ANKRD10: variants seen among roughly 807,000 people sequenced by gnomAD.
ANKRD10 encodes ankyrin repeat domain-containing protein 10.
Under a neutral mutation model 27.0 loss-of-function variants are expected in ANKRD10, and 14 were observed. The ratio of observed to expected loss-of-function variants is 0.52; its 90% CI spans 0.34 to 0.81. The LOEUF is 0.81. Among genes scored for constraint, ANKRD10 ranks in the 40% least tolerant of loss-of-function variants. The pLI is 0.01. For missense variants in ANKRD10, 493 were observed against 544.0 expected, an observed-to-expected ratio of 0.91 and a Z score of 0.93; for synonymous variants, 250 against 224.5, an observed-to-expected ratio of 1.11 and a Z score of -1.01.
intron 3 of ANKRD10, among the ~76,000 whole-genome samples, chr13:110,903,160 C>CA (rs905176598): frequency 4.0e-4 from 61 of 152,088 alleles, no homozygotes; most frequent in Admixed American, 1.9e-3. Context: ...ACCTGAGTAC[C>CA]AAGCAAGCAG....
Position 110,914,881 on chromosome 13 carries a change from C to G in ANKRD10, c.54G>C (p.Glu18Asp), listed in dbSNP as rs2065845049. Reference sequence around the variant, plus strand: ...GCAGCGGGAAACGGAGCGAGAGCAGCTCCTCGCTGGAGAAGCCCGCCTCTA... The same window carrying G: ...GCAGCGGGAAACGGAGCGAGAGCAGGTCCTCGCTGGAGAAGCCCGCCTCTA... ...AGVEAGFSSE[E>D]LLSLRFPLHR... is the part of the protein sequence containing the mutation. The change falls in exon 1 of 6, where the codon GAG becomes GAC. Residue 18 changes from glutamate to aspartate, a missense_variant. Physicochemically the swap from Glu to Asp is conservative, Grantham distance 45. Transcript: ENST00000267339. 6.5e-7 allele frequency: 1 copy of G among 1,544,246 alleles called. No homozygotes were observed. Among genetic ancestry groups the G allele is most frequent in the Admixed American group, 1.9e-5 (1 of 51,312 alleles).
chr13:110,896,573 T>C lies in ANKRD10; in HGVS notation c.456-3310A>G, dbSNP rs561566639. On this transcript the variant is annotated intron_variant, in intron 3 of 5. Coordinates refer to ENST00000267339, the MANE Select transcript of ANKRD10 (RefSeq NM_017664.4). Reference sequence around the variant, plus strand: ...AACTGTGTAGTGCACATTATAGAAATTGGCCTGAAATGATCATTAAGGATC... The same window carrying C: ...AACTGTGTAGTGCACATTATAGAAACTGGCCTGAAATGATCATTAAGGATC... Among the ~76,000 whole-genome samples the C allele has an allele frequency of 5.3e-5, 8 of 152,308 alleles. No individual in the cohort carries two copies. The South Asian group carries it at 1.0e-3, about 20-fold the overall frequency.
chr13:110,911,918 T>C (rs1019302841), intron 1 of ANKRD10: 2 of 152,220 alleles, frequency 1.3e-5, no homozygotes, highest in East Asian at 1.9e-4. Context: ...CATTGAATAA[T>C]CAATAGAGGC....
At position 110,906,100 on chromosome 13, in the gene ANKRD10, G is replaced by T; in HGVS notation, c.388C>A (p.His130Asn). The change falls in exon 3 of 6, where the codon CAC becomes AAC. Residue 130 changes from histidine to asparagine, a missense_variant. Coordinates refer to ENST00000267339, the MANE Select transcript of ANKRD10 (RefSeq NM_017664.4). Reference sequence around the variant, plus strand: ...AGGCTCCCAGAGCGAGCTGCCTTGTGAATGGGAGTTTCACCCTCACAATCC... The same window carrying T: ...AGGCTCCCAGAGCGAGCTGCCTTGTTAATGGGAGTTTCACCCTCACAATCC... ...KPDCEGETPI[H>N]KAARSGSLEC... is the part of the protein sequence containing the mutation. 1 of 1,602,874 alleles carries T rather than the reference G, an allele frequency of 6.2e-7. No homozygotes were observed. Among genetic ancestry groups the T allele is most frequent in the Non-Finnish European group, 8.5e-7 (1 of 1,174,162 alleles).
Position 110,914,706 on chromosome 13 carries a change from T to G in ANKRD10, c.210+19A>C, listed in dbSNP as rs1367666338. ...CTGGACAGCCGGGGAAAATGGCGCC[T>G]TAAAGCGTTCGCACCCACCTTGCCG... On this transcript the variant is annotated intron_variant, in intron 1 of 5. Coordinates refer to ENST00000267339, the MANE Select transcript of ANKRD10 (RefSeq NM_017664.4). The G allele has an allele frequency of 6.4e-7, 1 of 1,558,112 alleles. No homozygotes were observed. The highest frequency in any genetic ancestry group is 8.7e-7 in the Non-Finnish European group (1 of 1,151,134).
chr13:110,883,904 A>T, intron 4 of ANKRD10, 111 bp from the exon 5 acceptor site: 1 of 1,238,402 alleles, frequency 8.1e-7, no homozygotes, highest in Non-Finnish European at 1.1e-6. Context: ...AAACAATCAC[A>T]TAAAAAAAAA....
At chr13:110,889,862 C>A (rs879702821) in intron 4 of ANKRD10, among the ~76,000 whole-genome samples, 2 of 152,132 alleles carry the variant, frequency 1.3e-5, no homozygotes, top group African/African-American at 2.4e-5. Context: ...GAAAACAGAA[C>A]GCACTAAGTT....
In ANKRD10 at chr13:110,914,810, A is replaced by G; in HGVS notation, c.125T>C (p.Leu42Pro). Residue 42 changes from leucine (L) to proline (P), a missense_variant, in exon 1 of 6, where the codon CTG becomes CCG. Leu to Pro is a moderately conservative substitution (Grantham distance 98). Coordinates refer to ENST00000267339, the MANE Select transcript of ANKRD10 (RefSeq NM_017664.4). The part of the protein sequence containing the change: ...DGDLATLCSL[L>P]QQTPHAHLAS... ...CAGGTGGGCGTGGGGTGTCTGCTGC[A>G]GCAGCGAGCAGAGCGTGGCCAGGTC... 1 of 1,591,718 alleles carries G rather than the reference A, an allele frequency of 6.3e-7. No individual in the cohort carries two copies. Among genetic ancestry groups the G allele is most frequent in the Non-Finnish European group, 8.5e-7 (1 of 1,169,898 alleles).
At chr13:110,880,468 A>T (rs1594523533) in intron 5 of ANKRD10, among the ~76,000 whole-genome samples, 1 of 152,172 alleles carries the variant, frequency 6.6e-6, no homozygotes, top group Non-Finnish European at 1.5e-5. Context: ...TTTTTAAAAA[A>T]TCGCCCCTGA....
At chr13:110,883,900 TCA>T in intron 4 of ANKRD10, 107 bp from the exon 5 acceptor site, 1 of 1,042,534 alleles carries the variant, frequency 9.6e-7, no homozygotes, top group Admixed American at 3.1e-5. Flanking sequence ...CTTTAAACAA[TCA>T]CATAAAAAAA....
In ANKRD10 at chr13:110,903,699, G is replaced by A. The variant is rs141077997; in HGVS notation, c.455+2334C>T. 7.7e-3 allele frequency among the ~76,000 whole-genome samples: 1,179 copies of A among 152,168 alleles called. 11 individuals are homozygous for A. The highest frequency in any genetic ancestry group is 0.027 in the African/African-American group (1,119 of 41,496). On this transcript the variant is annotated intron_variant, in intron 3 of 5. Transcript: ENST00000267339. ...ATAAAAAGCAAAGCAGGAATTAAGA[G>A]CAAATGAATTTAATAATACTGATAT...
At chr13:110,888,304 A>G (rs1010321857) in intron 4 of ANKRD10, among the ~76,000 whole-genome samples, 1 of 151,744 alleles carries the variant, frequency 6.6e-6, no homozygotes, top group African/African-American at 2.4e-5. Context: ...GTTTGCTCAA[A>G]TGGAGACTTT....
At chr13:110,913,500 G>A (rs1233463438) in intron 1 of ANKRD10, among the ~76,000 whole-genome samples, 1 of 152,188 alleles carries the variant, frequency 6.6e-6, no homozygotes, top group Non-Finnish European at 1.5e-5. Context: ...TAACTTGCTT[G>A]TCCCACCCCG....
intron 3 of ANKRD10, among the ~76,000 whole-genome samples, chr13:110,903,123 A>G (rs1406379631): frequency 6.6e-6 from 1 of 152,212 alleles, no homozygotes; most frequent in African/African-American, 2.4e-5. Context: ...TCTTTTTGTA[A>G]TAGTATATCC....
intron 3 of ANKRD10, chr13:110,900,879 T>C (rs747806912): frequency 3.9e-5 from 12 of 304,664 alleles, no homozygotes; most frequent in Non-Finnish European, 7.0e-5. Flanking sequence ...GCCATTGTCA[T>C]GTGACCACCT....
intron 1 of ANKRD10, among the ~76,000 whole-genome samples, chr13:110,914,140 C>T (rs1169176188): frequency 1.3e-5 from 2 of 152,220 alleles, no homozygotes; most frequent in South Asian, 2.1e-4. Flanking sequence ...ACACAGCTGC[C>T]GGGGCCTTCC....
At chr13:110,888,948 G>C (rs925948831) in intron 4 of ANKRD10, among the ~76,000 whole-genome samples, 1 of 152,170 alleles carries the variant, frequency 6.6e-6, no homozygotes, top group East Asian at 1.9e-4. Context: ...TGTCCCAATT[G>C]TGAAATTGAA....
chr13:110,885,674 G>C (rs190561261), intron 4 of ANKRD10, among the ~76,000 whole-genome samples: 22 of 152,320 alleles, frequency 1.4e-4, no homozygotes, highest in Admixed American at 3.9e-4. Context: ...CGCAGACACA[G>C]AGAACCTGCA....
At chr13:110,895,465 T>G (rs922790424) in intron 3 of ANKRD10, 1 of 152,536 alleles carries the variant, frequency 6.6e-6, no homozygotes, top group East Asian at 1.9e-4. Context: ...CACATGCCTA[T>G]AGTCCCTGCT....
Sources: gnomAD v4.1 joint callset for allele counts (sites outside exome capture counted in the v4.1 genomes callset) on GRCh38, gnomAD v4.1.1 for gene constraint, MANE v1.5 for transcripts, NCBI Gene and HGNC (gene_info 2026-07-23, HGNC 2026-07-21) for gene names.